The following TMEM229B variants were observed in gnomAD, a reference collection of about 807,000 sequenced individuals.
TMEM229B encodes the protein transmembrane protein 229B, also known as chromosome 14 open reading frame 83.
Under a neutral mutation model 13.7 loss-of-function variants are expected in TMEM229B, and 6 were observed. The ratio of observed to expected loss-of-function variants is 0.44; its 90% CI spans 0.24 to 0.86. TMEM229B has a LOEUF of 0.86. Among genes scored for constraint, TMEM229B ranks in the 40% least tolerant of loss-of-function variants. The pLI is 0.23. For synonymous variants in TMEM229B, 107 were observed against 102.1 expected (o/e 1.05, Z -0.29); for missense variants, 170 against 236.0 (o/e 0.72, Z 1.83).
intron 1 of TMEM229B, among the ~76,000 whole-genome samples, chr14:67,501,774 T>A (rs1235569338): frequency 1.3e-5 from 2 of 152,186 alleles, no homozygotes; most frequent in African/African-American, 2.4e-5. Context: ...AAAGATTTTT[T>A]AAAAGGTAAT....
intron 1 of TMEM229B, chr14:67,503,699 T>C (rs2032700542): frequency 6.6e-6 from 1 of 152,160 alleles, no homozygotes; most frequent in Non-Finnish European, 1.5e-5. Flanking sequence ...TAAATTATTT[T>C]TATTTTTTAT....
rs562107875 is a variant in TMEM229B, at chr14:67,488,665, G to A, written c.-349C>T. 2 of 152,590 alleles carry A rather than the reference G, an allele frequency of 1.3e-5. No individual in the cohort carries two copies. Among genetic ancestry groups the A allele is most frequent in the African/African-American group, 4.8e-5 (2 of 41,592 alleles). The allele number at this position is 152,590 out of a possible 1,614,324, so 9.5% of individuals were successfully genotyped here. ...GTGCCTGGGGAGTTCAATCCCACCTGTGGAGACTTCTCCCCACCCTAGGCC... is the reference window on the plus strand; with the variant it reads ...GTGCCTGGGGAGTTCAATCCCACCTATGGAGACTTCTCCCCACCCTAGGCC... On this transcript the variant is annotated 5_prime_UTR_variant, in exon 1 of 3. Coordinates refer to ENST00000554480, the MANE Select transcript of TMEM229B (RefSeq NM_001348543.2).
intron 1 of TMEM229B, among the ~76,000 whole-genome samples, chr14:67,526,895 G>A (rs75294347): frequency 6.6e-6 from 1 of 152,108 alleles, no homozygotes; most frequent in African/African-American, 2.4e-5. Flanking sequence ...CTTCCAGTAG[G>A]GTATGAGCCC....
chr14:67,519,171 G>A (rs764317663), upstream of TMEM229B, among the ~76,000 whole-genome samples: 1 of 152,096 alleles, frequency 6.6e-6, no homozygotes. Flanking sequence ...GAAGGAAAGG[G>A]GCATAAAGAG....
chr14:67,523,333 A>AAG (rs1031928258), intron 1 of TMEM229B, among the ~76,000 whole-genome samples: 1 of 152,062 alleles, frequency 6.6e-6, no homozygotes, highest in African/African-American at 2.4e-5. Flanking sequence ...AAAAAAAAAA[A>AAG]AAAGAAAAGA....
intron 2 of TMEM229B, among the ~76,000 whole-genome samples, chr14:67,476,982 T>C (rs1411363397): frequency 6.6e-6 from 1 of 151,786 alleles, no homozygotes; most frequent in East Asian, 1.9e-4. Context: ...AAAAAAACAA[T>C]GGATGGGTAG....
intron 1 of TMEM229B, chr14:67,503,429 G>T (rs528425161): frequency 1.3e-5 from 2 of 152,350 alleles, no homozygotes; most frequent in South Asian, 2.1e-4. Context: ...AGATACGTTT[G>T]GAAAAGCGTG....
chr14:67,479,449 A>G (rs1998196), intron 2 of TMEM229B, among the ~76,000 whole-genome samples: 117,259 of 150,062 alleles, frequency 0.78, 47,648 homozygotes, highest in East Asian at 0.91. Flanking sequence ...TGGGTGCAGT[A>G]GCTCATGCCT....
At chr14:67,493,267 C>G (rs1176097873), upstream of TMEM229B, among the ~76,000 whole-genome samples, 1 of 152,188 alleles carries the variant, frequency 6.6e-6, no homozygotes, top group Admixed American at 6.5e-5. Flanking sequence ...CTCCCTATCT[C>G]TGTTGCACCC....
chr14:67,482,944 C>CA (rs1171970719), intron 2 of TMEM229B, among the ~76,000 whole-genome samples: 4 of 152,146 alleles, frequency 2.6e-5, no homozygotes, highest in Non-Finnish European at 2.9e-5. Flanking sequence ...TGTATTAACT[C>CA]AAAAAATTCT....
At chr14:67,509,570 C>T (rs560706025) in intron 1 of TMEM229B, among the ~76,000 whole-genome samples, 9 of 152,300 alleles carry the variant, frequency 5.9e-5, no homozygotes, top group African/African-American at 2.2e-4. Flanking sequence ...CCACCCACCT[C>T]GGCCTCCTAA....
At position 67,496,295 on chromosome 14, in the gene TMEM229B, G is replaced by A. The variant is rs185941365; in HGVS notation, c.-191-9123C>T. Among the ~76,000 whole-genome samples the A allele has an allele frequency of 5.5e-4, 81 of 148,418 alleles. No homozygotes were observed. In the Middle Eastern group the frequency reaches 0.014, roughly 26 times the overall value. The stretch of plus-strand genomic sequence containing the variant: ...TTTGGTAGAAACAGGGTTTTGTCAT[G>A]TTGCCCAGGCTGGTCTCAAATTCCT... On this transcript the variant is annotated intron_variant, in intron 1 of 2. Transcript: ENST00000357461.
upstream of TMEM229B, among the ~76,000 whole-genome samples, chr14:67,492,624 G>T (rs897623356): frequency 1.3e-5 from 2 of 152,204 alleles, no homozygotes; most frequent in Non-Finnish European, 2.9e-5. Flanking sequence ...AAGAAGCCCA[G>T]CAGGGCTTTC....
chr14:67,491,856 G>C (rs2032182361), upstream of TMEM229B, among the ~76,000 whole-genome samples: 1 of 152,220 alleles, frequency 6.6e-6, no homozygotes, highest in Non-Finnish European at 1.5e-5. Context: ...GCCTGTGTCT[G>C]TCCAGCTCCC....
chr14:67,490,016 G>T (rs1305147640), upstream of TMEM229B, among the ~76,000 whole-genome samples: 1 of 151,676 alleles, frequency 6.6e-6, no homozygotes, highest in East Asian at 1.9e-4. Flanking sequence ...TTCTGTCTAT[G>T]TGTCTGTTTC....
At chr14:67,482,781 G>A (rs2031659442) in intron 2 of TMEM229B, among the ~76,000 whole-genome samples, 1 of 152,122 alleles carries the variant, frequency 6.6e-6, no homozygotes, top group Non-Finnish European at 1.5e-5. Context: ...GCCACTGGCT[G>A]GTGCACATGC....
chr14:67,524,185 G>A (rs928479953), intron 1 of TMEM229B, among the ~76,000 whole-genome samples: 6 of 152,024 alleles, frequency 3.9e-5, no homozygotes, highest in Admixed American at 2.6e-4. Context: ...CCAAGTTCCC[G>A]GGCTCAATCT....
At chr14:67,523,136 A>G (rs148880878) in intron 1 of TMEM229B, among the ~76,000 whole-genome samples, 8,783 of 152,248 alleles carry the variant, frequency 0.058, 334 homozygotes, top group Non-Finnish European at 0.077. Flanking sequence ...CAGCCTGGCC[A>G]ACATGGTGAA....
At chr14:67,526,807 T>C (rs893941955) in intron 1 of TMEM229B, among the ~76,000 whole-genome samples, 1 of 151,960 alleles carries the variant, frequency 6.6e-6, no homozygotes, top group Non-Finnish European at 1.5e-5. Context: ...CTGGCAGTCA[T>C]GTCCAGGGCT....
Sources: allele counts gnomAD v4.1 joint callset (sites outside exome capture counted in the v4.1 genomes callset), GRCh38; gene constraint gnomAD v4.1.1; transcripts MANE v1.5; gene names NCBI Gene and HGNC (gene_info 2026-07-23, HGNC 2026-07-21).